Variants in TSPAN18 observed in about 807,000 individuals in gnomAD.
TSPAN18 encodes tetraspanin 18, also known as tetraspanin-18.
Under a neutral mutation model 27.3 loss-of-function variants are expected in TSPAN18, and 14 were observed. The ratio of observed to expected loss-of-function variants is 0.51; its 90% CI spans 0.34 to 0.80. TSPAN18 has a LOEUF of 0.80. Ranked by LOEUF, TSPAN18 falls within the 30% of genes least tolerant of loss-of-function variation. TSPAN18 has a pLI of 0.01. For missense variants in TSPAN18, 268 were observed against 323.9 expected (o/e 0.83, Z 1.32); for synonymous variants, 143 against 136.5 (o/e 1.05, Z -0.33).
intron 3 of TSPAN18, among the ~76,000 whole-genome samples, chr11:44,865,389 G>C (rs1858009185): frequency 6.6e-6 from 1 of 152,196 alleles, no homozygotes; most frequent in Admixed American, 6.5e-5. Flanking sequence ...CGTGGTAAAT[G>C]CTCAAGAAAG....
In TSPAN18 at chr11:44,898,925, G is replaced by A. The variant is rs559075084; in HGVS notation, c.-10-7482G>A. On this transcript the variant is annotated intron_variant, in intron 3 of 9. Transcript: ENST00000520358. The stretch of plus-strand genomic sequence containing the variant: ...TTAAACACCTGGTTTTGTTTTACAC[G>A]AAACAGTTGGCTGCATCTGAGGGTC... Among the ~76,000 whole-genome samples the A allele has an allele frequency of 2.8e-4, 42 of 152,262 alleles. No homozygotes were observed. In the South Asian group the frequency reaches 6.0e-3, roughly 22 times the overall value.
intron 2 of TSPAN18, among the ~76,000 whole-genome samples, chr11:44,794,728 C>T (rs1006166781): frequency 1.3e-5 from 2 of 151,956 alleles, no homozygotes; most frequent in African/African-American, 4.8e-5. Flanking sequence ...AAATTCTGGT[C>T]CTATCAGCAG....
chr11:44,865,099 A>G (rs1026043489), intron 3 of TSPAN18, among the ~76,000 whole-genome samples: 5 of 152,352 alleles, frequency 3.3e-5, no homozygotes, highest in Non-Finnish European at 7.3e-5. Context: ...CCCGTGGAAT[A>G]TAAGGAATTT....
At chr11:44,762,221 T>A (rs1326748461) in intron 1 of TSPAN18, among the ~76,000 whole-genome samples, 1 of 152,204 alleles carries the variant, frequency 6.6e-6, no homozygotes, top group Non-Finnish European at 1.5e-5. Context: ...AATGGAAATA[T>A]TCGACACAGC....
At chr11:44,795,094 G>A (rs1465384571) in intron 2 of TSPAN18, among the ~76,000 whole-genome samples, 2 of 15,266 alleles carry the variant, frequency 1.3e-4, no homozygotes, top group South Asian at 1.7e-3. Context: ...CCCCACCCCC[G>A]GGGTCTTCCC....
At chr11:44,780,509 A>G (rs1855913643) in intron 2 of TSPAN18, among the ~76,000 whole-genome samples, 1 of 152,256 alleles carries the variant, frequency 6.6e-6, no homozygotes, top group Non-Finnish European at 1.5e-5. Context: ...TACTGACAGC[A>G]GCGATCCAGA....
intron 2 of TSPAN18, among the ~76,000 whole-genome samples, chr11:44,799,962 C>T (rs1478161670): frequency 6.7e-6 from 1 of 149,824 alleles, no homozygotes; most frequent in Non-Finnish European, 1.5e-5. Flanking sequence ...TCCCGAGTAG[C>T]TGTGATTACA....
chr11:44,752,691 G>A (rs1158300086), intron 1 of TSPAN18, among the ~76,000 whole-genome samples: 1 of 152,190 alleles, frequency 6.6e-6, no homozygotes, highest in Non-Finnish European at 1.5e-5. Context: ...ATGAACATGA[G>A]TCAAAGATTG....
chr11:44,788,889 A>T (rs1157114960), intron 2 of TSPAN18, among the ~76,000 whole-genome samples: 1 of 152,222 alleles, frequency 6.6e-6, no homozygotes, highest in Non-Finnish European at 1.5e-5. Flanking sequence ...CTGCCACTTC[A>T]TGGAGAGAAG....
intron 2 of TSPAN18, among the ~76,000 whole-genome samples, chr11:44,806,752 G>A (rs984872726): frequency 3.9e-5 from 6 of 152,188 alleles, no homozygotes; most frequent in African/African-American, 7.2e-5. Context: ...TTGTTGGAAC[G>A]TTGGTTGAAT....
chr11:44,774,561 C>G (rs777218040), intron 2 of TSPAN18, among the ~76,000 whole-genome samples: 30 of 152,202 alleles, frequency 2.0e-4, no homozygotes, highest in African/African-American at 7.0e-4. Flanking sequence ...CCCTGTGGTC[C>G]TCAGAAGTCA....
intron 3 of TSPAN18, among the ~76,000 whole-genome samples, chr11:44,876,424 G>C (rs1858334692): frequency 6.6e-6 from 1 of 152,180 alleles, no homozygotes; most frequent in Non-Finnish European, 1.5e-5. Context: ...GTCCCTCTCT[G>C]GTCTTTGTTT....
At chr11:44,797,799 C>T (rs1856383745) in intron 2 of TSPAN18, among the ~76,000 whole-genome samples, 1 of 152,142 alleles carries the variant, frequency 6.6e-6, no homozygotes, top group South Asian at 2.1e-4. Flanking sequence ...TTAACACTCC[C>T]CTGCCTCAGG....
chr11:44,842,939 C>T (rs835785), intron 2 of TSPAN18, among the ~76,000 whole-genome samples: 61,353 of 151,486 alleles, frequency 0.41, 13,074 homozygotes, highest in South Asian at 0.47. Context: ...CCCACCCTTC[C>T]CCCAACCAGG....
intron 2 of TSPAN18, among the ~76,000 whole-genome samples, chr11:44,779,977 T>G (rs835821): frequency 6.6e-6 from 1 of 152,340 alleles, no homozygotes; most frequent in South Asian, 2.1e-4. Flanking sequence ...CTGTCTGCCT[T>G]TGCACATACC....
intron 2 of TSPAN18, among the ~76,000 whole-genome samples, chr11:44,787,428 G>T (rs1856084705): frequency 6.6e-6 from 1 of 152,186 alleles, no homozygotes; most frequent in South Asian, 2.1e-4. Context: ...GTCATGGGTG[G>T]TGCAGAGCTG....
rs1249966112 is a variant in TSPAN18 at position 44,727,188 on chromosome 11, C to G, written c.-339C>G. On this transcript the variant is annotated 5_prime_UTR_variant, in exon 1 of 10. Transcript: ENST00000520358. ...CGCGCCGCCACCGCCGGGAAGGCAG[C>G]CGGCGCCGGGCAAGTTGCGAGCGCG... The G allele has an allele frequency of 6.6e-6, 1 of 150,886 alleles. No homozygotes were observed. Among genetic ancestry groups the G allele is most frequent in the African/African-American group, 2.4e-5 (1 of 41,174 alleles). The allele number at this position is 150,886 out of a possible 1,614,324, so 9.3% of individuals were successfully genotyped here.
chr11:44,797,606 T>G (rs1168642486), intron 2 of TSPAN18, among the ~76,000 whole-genome samples: 2 of 152,148 alleles, frequency 1.3e-5, no homozygotes, highest in Non-Finnish European at 2.9e-5. Flanking sequence ...AGTGAACGCC[T>G]CCTTGGTGAG....
intron 8 of TSPAN18, among the ~76,000 whole-genome samples, chr11:44,923,352 C>T (rs964499080): frequency 6.6e-5 from 10 of 152,114 alleles, no homozygotes; most frequent in Admixed American, 6.5e-4. Context: ...GAGGATGGCA[C>T]TGGCAACAGC....
Sources: allele counts gnomAD v4.1 joint callset (sites outside exome capture counted in the v4.1 genomes callset), GRCh38; gene constraint gnomAD v4.1.1; transcripts MANE v1.5; gene names NCBI Gene and HGNC (gene_info 2026-07-23, HGNC 2026-07-21).